Variants in LYPLAL1 observed in about 807,000 individuals in gnomAD.
The protein encoded by LYPLAL1 is lysophospholipase-like protein 1.
LYPLAL1 carries 23 observed loss-of-function variants against 19.7 expected under a neutral mutation model. The ratio of observed to expected loss-of-function variants is 1.17; its 90% CI spans 0.84 to 1.65. The LOEUF (loss-of-function observed/expected upper bound fraction) is 1.65, where lower values mean the gene tolerates loss of function less well. Ranked by LOEUF, LYPLAL1 falls within the 40% of genes most tolerant of loss-of-function variation. The pLI is 0.00. For missense variants in LYPLAL1, 355 were observed against 279.4 expected (o/e 1.27, Z -1.93); for synonymous variants, 119 against 96.3 (o/e 1.24, Z -1.38).
At chr1:219,299,520 G>A in the LYPLAL1 span, among the ~76,000 whole-genome samples, 1 of 152,126 alleles carries the variant, frequency 6.6e-6, no homozygotes, top group African/African-American at 2.4e-5. Flanking sequence ...AGGTAACGGG[G>A]TGGTGTTGAG....
At chr1:219,300,731 T>C in the LYPLAL1 span, among the ~76,000 whole-genome samples, 1 of 151,742 alleles carries the variant, frequency 6.6e-6, no homozygotes, top group South Asian at 2.1e-4. Flanking sequence ...GAGACGGGGT[T>C]TCACTGTGTT....
the LYPLAL1 span, among the ~76,000 whole-genome samples, chr1:219,291,703 C>G: frequency 6.6e-6 from 1 of 152,016 alleles, no homozygotes; most frequent in Non-Finnish European, 1.5e-5. Flanking sequence ...CCAAGTTAGG[C>G]CAAGTCTTTT....
At chr1:219,410,792 C>T in the LYPLAL1 span, among the ~76,000 whole-genome samples, 3 of 152,354 alleles carry the variant, frequency 2.0e-5, no homozygotes, top group Non-Finnish European at 2.9e-5. Flanking sequence ...ACTTAGCACC[C>T]GGGCCAGTGG....
chr1:219,320,021 A>G, the LYPLAL1 span, among the ~76,000 whole-genome samples: 1 of 152,244 alleles, frequency 6.6e-6, no homozygotes, highest in Non-Finnish European at 1.5e-5. Context: ...AATATTGGTA[A>G]AGGAAACTGG....
chr1:219,210,407 G>T (rs1468407854), intron 3 of LYPLAL1, 125 bp from the exon 4 acceptor site: 1 of 623,974 alleles, frequency 1.6e-6, no homozygotes. Flanking sequence ...TAGAGTAGAC[G>T]AAATTTCTTT....
At chr1:219,239,113 G>C in the LYPLAL1 span, among the ~76,000 whole-genome samples, 2 of 152,128 alleles carry the variant, frequency 1.3e-5, no homozygotes, top group South Asian at 2.1e-4. Context: ...CTGATAGCCA[G>C]GGAGACTATC....
the LYPLAL1 span, among the ~76,000 whole-genome samples, chr1:219,273,713 A>G: frequency 6.6e-6 from 1 of 152,114 alleles, no homozygotes; most frequent in Non-Finnish European, 1.5e-5. Flanking sequence ...AAAACCATAC[A>G]TTTTGTCCTC....
At chr1:219,195,777 CCTAT>C (rs1481067559) in intron 3 of LYPLAL1, among the ~76,000 whole-genome samples, 1 of 152,068 alleles carries the variant, frequency 6.6e-6, no homozygotes, top group African/African-American at 2.4e-5. Context: ...TTTTGCTATA[CCTAT>C]TAACCTATCA....
the LYPLAL1 span, among the ~76,000 whole-genome samples, chr1:219,364,948 T>A: frequency 1.0e-3 from 157 of 152,258 alleles, no homozygotes; most frequent in African/African-American, 3.7e-3. Flanking sequence ...TGTTTCTTTA[T>A]TCGGAAGTAT....
the LYPLAL1 span, among the ~76,000 whole-genome samples, chr1:219,432,742 T>C: frequency 2.6e-5 from 4 of 152,184 alleles, no homozygotes; most frequent in Non-Finnish European, 5.9e-5. Context: ...ACGTTCATAG[T>C]AGAATATTTT....
chr1:219,284,766 C>T, the LYPLAL1 span, among the ~76,000 whole-genome samples: 4 of 152,338 alleles, frequency 2.6e-5, no homozygotes, highest in East Asian at 7.7e-4. Flanking sequence ...TTCCCATGGT[C>T]CACAGGAGAG....
At chr1:219,200,655 G>C (rs775132543) in intron 3 of LYPLAL1, 4 of 224,978 alleles carry the variant, frequency 1.8e-5, no homozygotes, top group Non-Finnish European at 2.8e-5. Context: ...CTGATGCCAC[G>C]ATCTGTCAAA....
the LYPLAL1 span, among the ~76,000 whole-genome samples, chr1:219,440,195 GA>G: frequency 6.6e-6 from 1 of 151,020 alleles, no homozygotes; most frequent in African/African-American, 2.4e-5. Context: ...CCTACAAAAA[GA>G]AAAAAATATG....
the LYPLAL1 span, among the ~76,000 whole-genome samples, chr1:219,338,079 T>G: frequency 6.6e-6 from 1 of 152,008 alleles, no homozygotes; most frequent in Non-Finnish European, 1.5e-5. Context: ...TTCCTCATTC[T>G]CATTTTACGT....
At chr1:219,375,397 C>T in the LYPLAL1 span, among the ~76,000 whole-genome samples, 5 of 144,998 alleles carry the variant, frequency 3.4e-5, no homozygotes, top group South Asian at 2.4e-4. Context: ...ACCCGGGAGG[C>T]GGAGGTTGCA....
the LYPLAL1 span, among the ~76,000 whole-genome samples, chr1:219,333,502 G>A: frequency 1.2e-4 from 18 of 152,066 alleles, no homozygotes; most frequent in East Asian, 2.7e-3. Context: ...CAATGCTCCC[G>A]ATCTCAAACT....
chr1:219,298,735 C>T, the LYPLAL1 span, among the ~76,000 whole-genome samples: 1 of 152,226 alleles, frequency 6.6e-6, no homozygotes, highest in East Asian at 1.9e-4. Context: ...CCTGGAGTTG[C>T]ACAGAGGCAG....
the LYPLAL1 span, among the ~76,000 whole-genome samples, chr1:219,419,582 C>CAGAG: frequency 4.5e-3 from 571 of 125,534 alleles, 7 homozygotes; most frequent in African/African-American, 0.018. Flanking sequence ...CACACACACA[C>CAGAG]ACACACACAC....
At chr1:219,274,200 C>T in the LYPLAL1 span, among the ~76,000 whole-genome samples, 2 of 152,150 alleles carry the variant, frequency 1.3e-5, no homozygotes, top group African/African-American at 4.8e-5. Context: ...TGGAGTCAAT[C>T]GTTTCCGGCA....
Sources: gnomAD v4.1 joint callset for allele counts (sites outside exome capture counted in the v4.1 genomes callset) on GRCh38, gnomAD v4.1.1 for gene constraint, MANE v1.5 for transcripts, NCBI Gene and HGNC (gene_info 2026-07-23, HGNC 2026-07-21) for gene names.